PDZK1: variants seen among roughly 807,000 people sequenced by gnomAD.
The protein encoded by PDZK1 is PDZ domain containing 1.
A neutral mutation model predicts 38.1 loss-of-function variants in PDZK1; 23 were observed. The observed-to-expected ratio is 0.60, with a 90% CI of 0.43 to 0.85. The LOEUF is 0.85. Ranked by LOEUF, PDZK1 falls within the 40% of genes least tolerant of loss-of-function variation. The probability of loss-of-function intolerance (pLI) is 0.00; values close to 1 mark genes in which losing one functional copy is unlikely to be tolerated. For missense variants in PDZK1, 297 were observed against 504.3 expected (o/e 0.59, Z 3.94); for synonymous variants, 98 against 186.2 (o/e 0.53, Z 3.86).
intron 1 of PDZK1, among the ~76,000 whole-genome samples, chr1:145,693,657 C>G (rs1396324356): frequency 3.9e-5 from 6 of 151,912 alleles, no homozygotes; most frequent in African/African-American, 1.5e-4. Flanking sequence ...GCCTGTGGTC[C>G]CAGCTACTCG....
intron 1 of PDZK1, among the ~76,000 whole-genome samples, chr1:145,691,142 C>A (rs1208049554): frequency 1.3e-5 from 2 of 152,172 alleles, no homozygotes; most frequent in Non-Finnish European, 2.9e-5. Flanking sequence ...TCTGCATGTA[C>A]CCAGGCCAAA....
chr1:145,672,599 TA>T, intron 8 of PDZK1, 130 bp downstream of exon 8: 2 of 1,158,062 alleles, frequency 1.7e-6, no homozygotes, highest in Non-Finnish European at 2.4e-6. Context: ...CTTGATTTGT[TA>T]GTTATCTTTA....
At chr1:145,689,884 A>T (rs1272311825) in intron 1 of PDZK1, among the ~76,000 whole-genome samples, 2 of 152,170 alleles carry the variant, frequency 1.3e-5, no homozygotes. Flanking sequence ...TACAGTACAA[A>T]TCAGACAGAG....
chr1:145,675,691 C>T (rs1467980488), intron 6 of PDZK1, among the ~76,000 whole-genome samples: 1 of 152,176 alleles, frequency 6.6e-6, no homozygotes, highest in Admixed American at 6.5e-5. Context: ...AGTCGCAGCT[C>T]ATCTCGAGGC....
At chr1:145,696,677 G>A (rs1487355890) in intron 1 of PDZK1, among the ~76,000 whole-genome samples, 3 of 152,190 alleles carry the variant, frequency 2.0e-5, no homozygotes, top group African/African-American at 4.8e-5. Context: ...CACACCTTCC[G>A]TGGTCTTCTA....
At chr1:145,672,244 C>T (rs1397554541) in intron 8 of PDZK1, among the ~76,000 whole-genome samples, 3 of 151,998 alleles carry the variant, frequency 2.0e-5, no homozygotes, top group Non-Finnish European at 4.4e-5. Flanking sequence ...TGTCTTTAAC[C>T]GTCACCACTT....
intron 3 of PDZK1, among the ~76,000 whole-genome samples, chr1:145,684,114 T>C (rs1654523887): frequency 6.6e-6 from 1 of 151,784 alleles, no homozygotes; most frequent in African/African-American, 2.4e-5. Flanking sequence ...CTCAAAGCGC[T>C]AGGATTACAG....
chr1:145,692,496 A>T (rs1181777506), intron 1 of PDZK1, among the ~76,000 whole-genome samples: 1 of 150,148 alleles, frequency 6.7e-6, no homozygotes, highest in Non-Finnish European at 1.5e-5. Flanking sequence ...GGATCACCTG[A>T]GGTCAGGAGT....
chr1:145,682,915 C>G (rs1654408782), intron 3 of PDZK1, among the ~76,000 whole-genome samples: 1 of 151,296 alleles, frequency 6.6e-6, no homozygotes, highest in African/African-American at 2.4e-5. Context: ...AGCCTTGGGT[C>G]TGGGGAGTAA....
intron 1 of PDZK1, among the ~76,000 whole-genome samples, chr1:145,705,649 G>A (rs1406135979): frequency 6.6e-6 from 1 of 152,140 alleles, no homozygotes; most frequent in Non-Finnish European, 1.5e-5. Flanking sequence ...ACTAGGACAA[G>A]GTTTCCCAAG....
chr1:145,675,577 A>G (rs1458132960), intron 6 of PDZK1, among the ~76,000 whole-genome samples: 5 of 148,972 alleles, frequency 3.4e-5, no homozygotes, highest in Non-Finnish European at 7.5e-5. Context: ...CAGTTCCACA[A>G]TGGAGCCTTT....
rs1310742277 is a variant in PDZK1, at chr1:145,686,546, T to C, written c.391A>G (p.Thr131Ala). Residue 131 changes from threonine (T) to alanine (A), a missense_variant, in exon 3 of 9, where the codon ACC (threonine) becomes GCC (alanine). Coordinates refer to ENST00000417171, the MANE Select transcript of PDZK1 (RefSeq NM_001201325.2). ...ACGAGATAGCAGAGCCGGGGCTGGG[T>C]CCAAGTTTGCACACCTCCATTCATC... ...PVMNGGVQTW[T>A]QPRLCYLVKE... 1.2e-6 allele frequency: 2 copies of C among 1,611,790 alleles called. No individual in the cohort carries two copies. Among genetic ancestry groups the C allele is most frequent in the African/African-American group, 1.3e-5 (1 of 74,870 alleles).
At chr1:145,680,008 T>A (rs1180483325) in intron 5 of PDZK1, among the ~76,000 whole-genome samples, 2 of 152,156 alleles carry the variant, frequency 1.3e-5, no homozygotes, top group African/African-American at 4.8e-5. Context: ...CTTTCCCAAA[T>A]CTATTCATGT....
rs75632798 is a variant in PDZK1 at position 145,691,995 on chromosome 1, G to A, written c.-2-3972C>T. On this transcript the variant is annotated intron_variant, in intron 1 of 8. Coordinates refer to ENST00000417171, the MANE Select transcript of PDZK1 (RefSeq NM_001201325.2). Reference sequence around the variant, plus strand: ...TTTTTTTTTCACCAATTTTATTGATGAAAAAGCTAATTATACCATTAAATT... The same window carrying A: ...TTTTTTTTTCACCAATTTTATTGATAAAAAAGCTAATTATACCATTAAATT... Among the ~76,000 whole-genome samples, 19 of 152,024 alleles carry A rather than the reference G, an allele frequency of 1.2e-4. 1 individual carries two copies. The East Asian group carries it at 3.1e-3, about 25-fold the overall frequency.
intron 5 of PDZK1, among the ~76,000 whole-genome samples, chr1:145,678,854 C>A (rs1553699780): frequency 6.8e-6 from 1 of 147,032 alleles, no homozygotes; most frequent in African/African-American, 2.5e-5. Flanking sequence ...AGAAACTAAC[C>A]CAGCAATTAA....
rs10564713 is a variant in PDZK1, at chr1:145,697,763, ATTTTTTTTTTTT to A, written c.-3+9542_-3+9553del. Among the ~76,000 whole-genome samples, 4 of 44,978 alleles carry A rather than the reference ATTTTTTTTTTTT, an allele frequency of 8.9e-5. 1 individual carries two copies. The highest frequency in any genetic ancestry group is 3.0e-4 in the Admixed American group (1 of 3,386). The allele number at this position is 44,978 out of a possible 152,430, so 29.5% of individuals were successfully genotyped here. On this transcript the variant is annotated intron_variant, in intron 1 of 8. Coordinates refer to ENST00000417171, the MANE Select transcript of PDZK1 (RefSeq NM_001201325.2). ...AGGCACCCGCCACCATGCCCAGCTA[ATTTTTTTTTTTT>A]TTTTTTTTTTTTTTTTTTTTTTTTA...
chr1:145,692,910 G>A (rs1385560321), intron 1 of PDZK1, among the ~76,000 whole-genome samples: 2 of 151,644 alleles, frequency 1.3e-5, no homozygotes, highest in Admixed American at 6.6e-5. Flanking sequence ...TGGTGGCGGC[G>A]TGAGGCAGGA....
At chr1:145,703,551 T>C (rs1310564793) in intron 1 of PDZK1, among the ~76,000 whole-genome samples, 1 of 152,022 alleles carries the variant, frequency 6.6e-6, no homozygotes, top group African/African-American at 2.4e-5. Flanking sequence ...TCAAACCCAG[T>C]TGAGTCTGGA....
intron 7 of PDZK1, among the ~76,000 whole-genome samples, chr1:145,673,361 C>T (rs1315063983): frequency 1.3e-5 from 2 of 151,606 alleles, no homozygotes; most frequent in Non-Finnish European, 2.9e-5. Flanking sequence ...GCCAAATGCA[C>T]AGAAGCAAAC....
Sources: gnomAD v4.1 joint callset for allele counts (sites outside exome capture counted in the v4.1 genomes callset) on GRCh38, gnomAD v4.1.1 for gene constraint, MANE v1.5 for transcripts, NCBI Gene and HGNC (gene_info 2026-07-23, HGNC 2026-07-21) for gene names.